The following ANGPT1 variants were observed in gnomAD, a reference collection of about 807,000 sequenced individuals.
ANGPT1 encodes angiopoietin 1.
A neutral mutation model predicts 62.2 loss-of-function variants in ANGPT1; 17 were observed. The observed-to-expected ratio is 0.27, with a 90% CI of 0.19 to 0.41. The LOEUF (loss-of-function observed/expected upper bound fraction) is 0.41, where lower values mean the gene tolerates loss of function less well. Ranked by LOEUF, ANGPT1 falls within the 10% of genes least tolerant of loss-of-function variation. ANGPT1 has a pLI of 1.00. For missense variants in ANGPT1, 478 were observed against 594.9 expected, an observed-to-expected ratio of 0.80 and a Z score of 2.04; for synonymous variants, 199 against 198.9, an observed-to-expected ratio of 1.00 and a Z score of 0.00.
At chr8:107,401,733 T>G (rs1226326157) in intron 1 of ANGPT1, among the ~76,000 whole-genome samples, 1 of 152,220 alleles carries the variant, frequency 6.6e-6, no homozygotes, top group Non-Finnish European at 1.5e-5. Flanking sequence ...CAGATTTGAA[T>G]GTACACATAA....
chr8:107,249,693 TTTA>T lies in ANGPT1; in HGVS notation c.*2159_*2161del, dbSNP rs1240445700. The T allele has an allele frequency of 4.6e-5, 7 of 152,162 alleles. No individual in the cohort carries two copies. The highest frequency in any genetic ancestry group is 1.3e-4 in the Admixed American group (2 of 15,268). The allele number at this position is 152,162 out of a possible 1,614,324, so 9.4% of individuals were successfully genotyped here. A position where few individuals can be genotyped will look rare whatever the true frequency, so the allele number is the denominator to read the frequency against. On this transcript the variant is annotated 3_prime_UTR_variant, in exon 9 of 9. Transcript: ENST00000517746. ...ACAATCATAAAACATTTTATACTGA[TTTA>T]TTATAAATAATTGGAAACAATATTT...
intron 7 of ANGPT1, among the ~76,000 whole-genome samples, chr8:107,282,350 G>A (rs1040381484): frequency 2.0e-5 from 3 of 151,238 alleles, no homozygotes; most frequent in African/African-American, 7.3e-5. Context: ...CATTGAATGA[G>A]GCAGGAGTTA....
intron 1 of ANGPT1, among the ~76,000 whole-genome samples, chr8:107,448,460 T>C (rs1025379113): frequency 6.6e-6 from 1 of 152,288 alleles, no homozygotes; most frequent in African/African-American, 2.4e-5. Context: ...TGTGGTTATA[T>C]ATAAGTATCT....
At position 107,333,972 on chromosome 8, in the gene ANGPT1, AGGAGGGAG is replaced by A. The variant is rs879268580; in HGVS notation, c.575+2170_575+2177del. Among the ~76,000 whole-genome samples, 149 of 89,824 alleles carry A rather than the reference AGGAGGGAG, an allele frequency of 1.7e-3. 3 individuals are homozygous for A. Among genetic ancestry groups the A allele is most frequent in the Non-Finnish European group, 2.7e-3 (126 of 46,134 alleles). 58.9% of individuals were successfully genotyped at this position (89,824 alleles called of 152,430 possible). A position where few individuals can be genotyped will look rare whatever the true frequency, so the allele number is the denominator to read the frequency against. ...AGAAAGAAAGAAAAGAAAGAAAGAA[AGGAGGGAG>A]GGAGGGAGGGAGGGAGGGAAGGAAG... On this transcript the variant is annotated intron_variant, in intron 3 of 8. Transcript: ENST00000517746.
At chr8:107,340,033 A>G (rs2130132850) in intron 2 of ANGPT1, among the ~76,000 whole-genome samples, 1 of 152,290 alleles carries the variant, frequency 6.6e-6, no homozygotes, top group South Asian at 2.1e-4. Flanking sequence ...CTCTCCACTG[A>G]TGTATTAAAC....
At chr8:107,355,305 T>C (rs1454194938) in intron 1 of ANGPT1, among the ~76,000 whole-genome samples, 2 of 152,170 alleles carry the variant, frequency 1.3e-5, no homozygotes, top group Non-Finnish European at 2.9e-5. Context: ...GGTCAGACTC[T>C]CATCAGTTTT....
chr8:107,325,573 A>G lies in ANGPT1; in HGVS notation c.576-3445T>C, dbSNP rs181805670. Among the ~76,000 whole-genome samples the G allele has an allele frequency of 2.0e-5, 3 of 152,262 alleles. No individual in the cohort carries two copies. In the East Asian group the frequency reaches 5.8e-4, roughly 29 times the overall value. ...TCAGTTTTCCTAATCAGTAGGTAAC[A>G]TTCTGGTTTGGAAAATATCATGCTA... On this transcript the variant is annotated intron_variant, in intron 3 of 8. Coordinates refer to ENST00000517746, the MANE Select transcript of ANGPT1 (RefSeq NM_001146.5).
chr8:107,486,638 C>A (rs1812822785), intron 1 of ANGPT1, among the ~76,000 whole-genome samples: 1 of 152,082 alleles, frequency 6.6e-6, no homozygotes, highest in Non-Finnish European at 1.5e-5. Context: ...GGCATAGATA[C>A]TATTATCACC....
chr8:107,381,119 T>C (rs928823358), intron 1 of ANGPT1, among the ~76,000 whole-genome samples: 51 of 152,320 alleles, frequency 3.3e-4, no homozygotes, highest in Middle Eastern at 6.8e-3. Context: ...TGTTGCTGGG[T>C]GGATGGCCAT....
chr8:107,371,774 C>T (rs1384314918), intron 1 of ANGPT1, among the ~76,000 whole-genome samples: 2 of 151,974 alleles, frequency 1.3e-5, no homozygotes, highest in African/African-American at 4.8e-5. Flanking sequence ...TTCCACCTGC[C>T]TAAACCCCTC....
intron 8 of ANGPT1, among the ~76,000 whole-genome samples, chr8:107,262,166 G>A (rs1466536046): frequency 1.3e-5 from 2 of 152,188 alleles, no homozygotes; most frequent in African/African-American, 4.8e-5. Flanking sequence ...TTGCACTCCA[G>A]CCTGGGCAAC....
intron 1 of ANGPT1, among the ~76,000 whole-genome samples, chr8:107,460,389 G>T (rs969827556): frequency 1.3e-5 from 2 of 152,112 alleles, no homozygotes; most frequent in Non-Finnish European, 2.9e-5. Flanking sequence ...GCAACTGGCT[G>T]CCTATTTTGA....
chr8:107,488,528 A>G (rs1461009612), intron 1 of ANGPT1, among the ~76,000 whole-genome samples: 2 of 152,232 alleles, frequency 1.3e-5, no homozygotes, highest in African/African-American at 4.8e-5. Flanking sequence ...GCCAAGAATT[A>G]TTTAAAATTC....
At chr8:107,468,840 G>C (rs1214493964) in intron 1 of ANGPT1, among the ~76,000 whole-genome samples, 1 of 151,988 alleles carries the variant, frequency 6.6e-6, no homozygotes. Context: ...GTATATTTGA[G>C]CTATGTGTAC....
chr8:107,448,409 T>C (rs1811673653), intron 1 of ANGPT1, among the ~76,000 whole-genome samples: 1 of 152,202 alleles, frequency 6.6e-6, no homozygotes, highest in South Asian at 2.1e-4. Context: ...TTTCCATTTG[T>C]TTTCTATTAT....
At chr8:107,492,399 G>A (rs113685143) in intron 1 of ANGPT1, among the ~76,000 whole-genome samples, 22 of 152,022 alleles carry the variant, frequency 1.4e-4, no homozygotes, top group African/African-American at 5.3e-4. Flanking sequence ...GCAGTGGTGC[G>A]ATATCAGCTC....
At chr8:107,312,445 T>C (rs1438421643) in intron 4 of ANGPT1, among the ~76,000 whole-genome samples, 1 of 152,244 alleles carries the variant, frequency 6.6e-6, no homozygotes, top group Non-Finnish European at 1.5e-5. Flanking sequence ...AAAAATGGAA[T>C]GAAAGTCCTT....
At chr8:107,386,367 TG>T (rs1816732073) in intron 1 of ANGPT1, among the ~76,000 whole-genome samples, 1 of 152,018 alleles carries the variant, frequency 6.6e-6, no homozygotes, top group Non-Finnish European at 1.5e-5. Flanking sequence ...GTAACAAACC[TG>T]CATGTTGTAC....
chr8:107,328,395 T>C (rs780200427), intron 3 of ANGPT1, among the ~76,000 whole-genome samples: 72 of 152,014 alleles, frequency 4.7e-4, no homozygotes, highest in Non-Finnish European at 7.2e-4. Flanking sequence ...TAAGTAAATA[T>C]TGGCAAATAA....
Sources: allele counts gnomAD v4.1 joint callset (sites outside exome capture counted in the v4.1 genomes callset), GRCh38; gene constraint gnomAD v4.1.1; transcripts MANE v1.5; gene names NCBI Gene and HGNC (gene_info 2026-07-23, HGNC 2026-07-21).